Variants in PPP2R2A observed in about 807,000 individuals in gnomAD.
PPP2R2A encodes protein phosphatase 2 regulatory subunit Balpha, also known as serine/threonine-protein phosphatase 2A 55 kDa regulatory subunit B alpha isoform.
PPP2R2A carries 9 observed loss-of-function variants against 53.2 expected under a neutral mutation model. The observed-to-expected ratio is 0.17, with a 90% CI of 0.10 to 0.30. The LOEUF (loss-of-function observed/expected upper bound fraction) is 0.30, where lower values mean the gene tolerates loss of function less well. PPP2R2A is among the 10% of genes least tolerant of loss of function. The pLI is 1.00. For synonymous variants in PPP2R2A, 169 were observed against 174.2 expected (o/e 0.97, Z 0.23); for missense variants, 235 against 534.6 (o/e 0.44, Z 5.53).
chr8:26,301,373 T>C (rs1252235886), intron 2 of PPP2R2A, among the ~76,000 whole-genome samples: 1 of 150,260 alleles, frequency 6.7e-6, no homozygotes, highest in Non-Finnish European at 1.5e-5. Context: ...TGCTCTGTCA[T>C]CCTGGCTGGA....
intron 2 of PPP2R2A, among the ~76,000 whole-genome samples, chr8:26,317,906 C>T (rs966728425): frequency 6.6e-6 from 1 of 152,122 alleles, no homozygotes; most frequent in Non-Finnish European, 1.5e-5. Context: ...TCAGATCTGG[C>T]TCAAATCTGT....
chr8:26,312,600 C>T (rs1282500414), intron 2 of PPP2R2A, among the ~76,000 whole-genome samples: 2 of 152,142 alleles, frequency 1.3e-5, no homozygotes, highest in African/African-American at 2.4e-5. Context: ...GGGAGTTTTG[C>T]ACTAGCTCTT....
At chr8:26,329,559 G>A (rs1447312419) in intron 2 of PPP2R2A, among the ~76,000 whole-genome samples, 3 of 152,056 alleles carry the variant, frequency 2.0e-5, no homozygotes, top group Non-Finnish European at 4.4e-5. Flanking sequence ...ACCAGACTTT[G>A]GGGACATCAT....
At chr8:26,310,150 G>A (rs371719552) in intron 2 of PPP2R2A, among the ~76,000 whole-genome samples, 28 of 67,390 alleles carry the variant, frequency 4.2e-4, no homozygotes, top group South Asian at 4.2e-3. Context: ...GTGTGGTGGC[G>A]TACGCCTGTA....
At chr8:26,292,777 GTTTC>G (rs2117174683) in intron 1 of PPP2R2A, among the ~76,000 whole-genome samples, 1 of 152,266 alleles carries the variant, frequency 6.6e-6, no homozygotes, top group South Asian at 2.1e-4. Flanking sequence ...TTTAGATTCA[GTTTC>G]TTTCTCCCTA....
At chr8:26,347,769 T>TA in intron 3 of PPP2R2A, among the ~76,000 whole-genome samples, 1 of 152,204 alleles carries the variant, frequency 6.6e-6, no homozygotes, top group Non-Finnish European at 1.5e-5. Flanking sequence ...AAATTGCACT[T>TA]AGAATAGTAC....
chr8:26,318,992 T>C (rs1185915760), intron 2 of PPP2R2A, among the ~76,000 whole-genome samples: 1 of 152,156 alleles, frequency 6.6e-6, no homozygotes, highest in South Asian at 2.1e-4. Context: ...ACTAAAACTT[T>C]ATACCCATTA....
intron 2 of PPP2R2A, among the ~76,000 whole-genome samples, chr8:26,312,342 C>T (rs1802329080): frequency 6.6e-6 from 1 of 152,164 alleles, no homozygotes. Flanking sequence ...GATGATGGTG[C>T]ATTTAGGTCT....
intron 2 of PPP2R2A, among the ~76,000 whole-genome samples, chr8:26,335,116 C>T (rs904706952): frequency 2.6e-5 from 4 of 152,186 alleles, no homozygotes; most frequent in African/African-American, 4.8e-5. Flanking sequence ...CTTGGCATGC[C>T]GGTATGCAGT....
chr8:26,326,871 AC>A (rs1266172245), intron 2 of PPP2R2A, among the ~76,000 whole-genome samples: 7 of 152,224 alleles, frequency 4.6e-5, no homozygotes, highest in African/African-American at 1.7e-4. Flanking sequence ...ACAGTTATAT[AC>A]CAGGGCTTAT....
At chr8:26,343,582 G>A (rs1359317618) in intron 3 of PPP2R2A, among the ~76,000 whole-genome samples, 4 of 152,046 alleles carry the variant, frequency 2.6e-5, no homozygotes, top group African/African-American at 9.7e-5. Flanking sequence ...ATATTGGCCA[G>A]GATGGTCTCG....
rs2117408038 is a variant in PPP2R2A at position 26,362,004 on chromosome 8, A to G, written c.638-680A>G. ...AGATTTATATATATTATATTAATTGATATTAAGATTAGATTAAGATTAGAT... is the reference window on the plus strand; with the variant it reads ...AGATTTATATATATTATATTAATTGGTATTAAGATTAGATTAAGATTAGAT... On this transcript the variant is annotated intron_variant, in intron 6 of 9. Transcript: ENST00000380737. The surrounding 1 kb of genome is among the most constrained non-coding windows in gnomAD (Gnocchi z 4.4). 6.8e-6 allele frequency among the ~76,000 whole-genome samples: 1 copy of G among 147,104 alleles called. No individual in the cohort carries two copies. The highest frequency in any genetic ancestry group is 1.9e-4 in the East Asian group (1 of 5,132).
Position 26,370,101 on chromosome 8 carries a change from T to G in PPP2R2A, c.1065-33T>G. On this transcript the variant is annotated intron_variant, in intron 9 of 9. Coordinates refer to ENST00000380737, the MANE Select transcript of PPP2R2A (RefSeq NM_002717.4). This position sits in a 1 kb window ranked among gnomAD's most constrained non-coding sequence, Gnocchi z 6.1. ...ACTTGAAAACAATTTCTTGTTCTGC[T>G]TGTTTGACTGAGTGTACTGTCTATT... is the stretch of plus-strand genomic sequence containing the variant. 1 of 1,583,278 alleles carries G rather than the reference T, an allele frequency of 6.3e-7. No individual in the cohort carries two copies. The highest frequency in any genetic ancestry group is 8.6e-7 in the Non-Finnish European group (1 of 1,159,888).
At chr8:26,327,877 A>G (rs796315119) in intron 2 of PPP2R2A, among the ~76,000 whole-genome samples, 8 of 152,304 alleles carry the variant, frequency 5.3e-5, no homozygotes, top group African/African-American at 1.9e-4. Flanking sequence ...ACAGAATAGT[A>G]TATTCTAACC....
chr8:26,330,274 A>G (rs1585365143), intron 2 of PPP2R2A, among the ~76,000 whole-genome samples: 1 of 141,094 alleles, frequency 7.1e-6, no homozygotes, highest in South Asian at 2.3e-4. Flanking sequence ...TTCGTCTTTT[A>G]TTTCTCATCA....
intron 1 of PPP2R2A, 129 bp from the exon 2 acceptor site, chr8:26,293,537 T>G: frequency 1.2e-6 from 1 of 858,332 alleles, no homozygotes; most frequent in Admixed American, 3.0e-5. Context: ...ACTGGTGCTC[T>G]TGGTGGTAGT....
chr8:26,291,570 C>G lies in PPP2R2A; in HGVS notation c.-250C>G, dbSNP rs949097626. 5 of 539,682 alleles carry G rather than the reference C, an allele frequency of 9.3e-6. No individual in the cohort carries two copies. Among genetic ancestry groups the G allele is most frequent in the African/African-American group, 8.0e-5 (4 of 49,738 alleles). 33.4% of individuals were successfully genotyped at this position (539,682 alleles called of 1,614,324 possible). A position where few individuals can be genotyped will look rare whatever the true frequency, so the allele number is the denominator to read the frequency against. ...CCCCTGCCGCTGCCGCCGCCGCCGTCGCTGTCGTAGTCGCCGCCGCCGCTG... is the reference window on the plus strand; with the variant it reads ...CCCCTGCCGCTGCCGCCGCCGCCGTGGCTGTCGTAGTCGCCGCCGCCGCTG... On this transcript the variant is annotated 5_prime_UTR_variant, in exon 1 of 10. Coordinates refer to ENST00000380737, the MANE Select transcript of PPP2R2A (RefSeq NM_002717.4).
intron 1 of PPP2R2A, chr8:26,293,376 G>C (rs886064962): frequency 2.7e-6 from 3 of 1,109,476 alleles, no homozygotes; most frequent in Admixed American, 2.1e-5. Flanking sequence ...GGTAGGTCTT[G>C]CCTGAATGTA....
intron 4 of PPP2R2A, chr8:26,359,080 GTCACT>G (rs1804943838): frequency 5.4e-6 from 2 of 373,660 alleles, no homozygotes; most frequent in Non-Finnish European, 1.1e-5. Context: ...GCTGTGAGAA[GTCACT>G]TCATCTCTCT....
Sources: allele counts gnomAD v4.1 joint callset (sites outside exome capture counted in the v4.1 genomes callset), GRCh38; gene constraint gnomAD v4.1.1; non-coding constraint Gnocchi (gnomAD v3.1); transcripts MANE v1.5; gene names NCBI Gene and HGNC (gene_info 2026-07-23, HGNC 2026-07-21).